The following CHST9 variants were observed in gnomAD, a reference collection of about 807,000 sequenced individuals.
CHST9 encodes carbohydrate sulfotransferase 9.
In CHST9, 41 loss-of-function variants were observed where a neutral mutation model predicts 44.4. The ratio of observed to expected loss-of-function variants is 0.92; its 90% CI spans 0.72 to 1.20. The LOEUF is 1.20. Among genes scored for constraint, CHST9 ranks in the 50% most tolerant of loss-of-function variants. The pLI, the probability that CHST9 is intolerant of heterozygous loss-of-function variation, is 0.00. For missense variants in CHST9, 504 were observed against 516.5 expected (o/e 0.98, Z 0.23); for synonymous variants, 171 against 178.4 (o/e 0.96, Z 0.33).
intron 4 of CHST9, among the ~76,000 whole-genome samples, chr18:27,022,130 A>G (rs141101186): frequency 2.0e-5 from 3 of 152,254 alleles, no homozygotes; most frequent in African/African-American, 7.2e-5. Flanking sequence ...CATTTCACAG[A>G]TGGTAAAATG....
intron 2 of CHST9, among the ~76,000 whole-genome samples, chr18:27,131,506 G>A (rs963382155): frequency 5.3e-5 from 8 of 152,036 alleles, no homozygotes; most frequent in Non-Finnish European, 7.4e-5. Context: ...AGCCAAGATC[G>A]CACTATTGCA....
chr18:27,122,586 C>T (rs2058383805), intron 2 of CHST9, among the ~76,000 whole-genome samples: 1 of 152,116 alleles, frequency 6.6e-6, no homozygotes, highest in East Asian at 1.9e-4. Flanking sequence ...CCCTCCATCC[C>T]ATGTAATTAT....
chr18:26,945,275 G>A (rs1338959726), intron 4 of CHST9, among the ~76,000 whole-genome samples: 2 of 152,118 alleles, frequency 1.3e-5, no homozygotes, highest in African/African-American at 4.8e-5. Context: ...GAGATCTCTT[G>A]TACTTTTTAC....
Position 26,917,221 on chromosome 18 carries a change from A to T in CHST9, c.370T>A (p.Ser124Thr). ...AACTTCTCTGTTGGTGACCCTGTGG[A>T]CTTACTTAAAGCTTGATCCCCTCCT... ...SQGGDQALSKSTGSPTEKLIE... is the reference protein window; with the variant it reads ...SQGGDQALSKTTGSPTEKLIE... The change falls in exon 6 of 6, where the codon TCC (serine) becomes ACC (threonine). Residue 124 changes from serine (S) to threonine (T), a missense_variant. Transcript: ENST00000618847. 1 of 1,613,846 alleles carries T rather than the reference A, an allele frequency of 6.2e-7. No individual in the cohort carries two copies. Among genetic ancestry groups the T allele is most frequent in the Non-Finnish European group, 8.5e-7 (1 of 1,179,820 alleles).
intron 1 of CHST9, among the ~76,000 whole-genome samples, chr18:27,152,760 C>G (rs1054057425): frequency 6.6e-6 from 1 of 151,118 alleles, no homozygotes; most frequent in Non-Finnish European, 1.5e-5. Flanking sequence ...TTAAAGGGAG[C>G]CTTTTAAAAA....
rs146290270 is a variant in CHST9 at position 27,136,271 on chromosome 18, G to A, written c.121+6418C>T. Among the ~76,000 whole-genome samples, 170 of 152,314 alleles carry A rather than the reference G, an allele frequency of 1.1e-3. 1 individual carries two copies. The highest frequency in any genetic ancestry group is 2.2e-3 in the Admixed American group (33 of 15,300). Reference sequence around the variant, plus strand: ...GGCTTACTTGTGGAAATGAGATCAGGCTTCACAGGAACCCAGGAAAGGTTG... The same window carrying A: ...GGCTTACTTGTGGAAATGAGATCAGACTTCACAGGAACCCAGGAAAGGTTG... On this transcript the variant is annotated intron_variant, in intron 2 of 5. Coordinates refer to ENST00000618847, the MANE Select transcript of CHST9 (RefSeq NM_031422.6).
intron 4 of CHST9, among the ~76,000 whole-genome samples, chr18:26,950,477 C>T (rs1217330287): frequency 6.6e-6 from 1 of 152,104 alleles, no homozygotes; most frequent in African/African-American, 2.4e-5. Flanking sequence ...AACCTAAATG[C>T]CCATCAACCA....
At chr18:27,095,315 G>A (rs1385959160) in intron 2 of CHST9, among the ~76,000 whole-genome samples, 3 of 152,158 alleles carry the variant, frequency 2.0e-5, no homozygotes, top group South Asian at 2.1e-4. Context: ...ATGAAAATTA[G>A]GTTGATGCTA....
intron 4 of CHST9, among the ~76,000 whole-genome samples, chr18:27,018,487 T>C (rs2057181227): frequency 6.6e-6 from 1 of 152,126 alleles, no homozygotes; most frequent in Non-Finnish European, 1.5e-5. Context: ...TTTTTATACA[T>C]GTGAGAAGGA....
chr18:26,924,412 T>C (rs1304476381), intron 5 of CHST9, among the ~76,000 whole-genome samples: 2 of 152,052 alleles, frequency 1.3e-5, no homozygotes, highest in Non-Finnish European at 2.9e-5. Context: ...TAAGGTGCCT[T>C]AGAGAGCTGG....
At chr18:27,140,337 T>A (rs371436190) in intron 2 of CHST9, among the ~76,000 whole-genome samples, 1 of 152,164 alleles carries the variant, frequency 6.6e-6, no homozygotes, top group South Asian at 2.1e-4. Context: ...TTACAGAAAA[T>A]TTATGTAAAC....
intron 5 of CHST9, among the ~76,000 whole-genome samples, chr18:26,923,396 C>T (rs575130187): frequency 6.6e-6 from 1 of 152,322 alleles, no homozygotes; most frequent in African/African-American, 2.4e-5. Context: ...AGTGTGCACT[C>T]TTTTAAATCT....
intron 2 of CHST9, among the ~76,000 whole-genome samples, chr18:27,105,338 T>C (rs148662403): frequency 2.1e-3 from 324 of 152,284 alleles, no homozygotes; most frequent in Non-Finnish European, 3.6e-3. Context: ...CTCTCTTTGA[T>C]CAATTTCTTC....
intron 2 of CHST9, among the ~76,000 whole-genome samples, chr18:27,094,093 A>T (rs894718826): frequency 3.9e-5 from 6 of 152,070 alleles, no homozygotes; most frequent in Admixed American, 3.3e-4. Context: ...ATGGAAACTA[A>T]TTTTTTCCTA....
rs969847420 is a variant in CHST9, at chr18:26,908,783, A to G, written c.*7476T>C. On this transcript the variant is annotated 3_prime_UTR_variant, in exon 6 of 6. Coordinates refer to ENST00000618847, the MANE Select transcript of CHST9 (RefSeq NM_031422.6). ...AAGGCAAAAAGAGACAAATCCTTTA[A>G]TGAAGTTCAAGAAAATATACATTAT... 1 of 152,244 alleles carries G rather than the reference A, an allele frequency of 6.6e-6. No individual in the cohort carries two copies. The highest frequency in any genetic ancestry group is 2.4e-5 in the African/African-American group (1 of 41,460). The allele number at this position is 152,244 out of a possible 1,614,324, so 9.4% of individuals were successfully genotyped here. A position where few individuals can be genotyped will look rare whatever the true frequency, so the allele number is the denominator to read the frequency against.
At chr18:26,998,739 C>CA (rs11480705) in intron 4 of CHST9, among the ~76,000 whole-genome samples, 52,309 of 113,984 alleles carry the variant, frequency 0.46, 10,204 homozygotes, top group East Asian at 0.52. Context: ...ACAACAACAA[C>CA]AAAAAAAAAA....
intron 4 of CHST9, among the ~76,000 whole-genome samples, chr18:26,966,064 A>C (rs2056460723): frequency 6.6e-6 from 1 of 152,224 alleles, no homozygotes; most frequent in Non-Finnish European, 1.5e-5. Flanking sequence ...GCTGCTTTTA[A>C]TTTTCCCAAC....
At chr18:27,115,174 C>T (rs1206507788) in intron 2 of CHST9, among the ~76,000 whole-genome samples, 3 of 152,146 alleles carry the variant, frequency 2.0e-5, no homozygotes, top group African/African-American at 4.8e-5. Flanking sequence ...AATTAAACCT[C>T]TTTCCTTTAT....
At chr18:26,930,934 T>C (rs879708299) in intron 5 of CHST9, 596 of 2,586 alleles carry the variant, frequency 0.23, 4 homozygotes, top group Non-Finnish European at 0.24. Flanking sequence ...ATACATGGGG[T>C]GGGGTGGGGT....
Sources: allele counts gnomAD v4.1 joint callset (sites outside exome capture counted in the v4.1 genomes callset), GRCh38; gene constraint gnomAD v4.1.1; transcripts MANE v1.5; gene names NCBI Gene and HGNC (gene_info 2026-07-23, HGNC 2026-07-21).